Variants in NME2 observed in about 807,000 individuals in gnomAD.
NME2 encodes nucleoside diphosphate kinase B.
A neutral mutation model predicts 17.8 loss-of-function variants in NME2; 18 were observed. The observed-to-expected ratio is 1.01, with a 90% CI of 0.70 to 1.50. The LOEUF is 1.50. NME2 is among the 40% of genes most tolerant of loss of function. The pLI is 0.00. For missense variants in NME2, 161 were observed against 195.6 expected (o/e 0.82, Z 1.05); for synonymous variants, 74 against 71.4 (o/e 1.04, Z -0.19).
intron 2 of NME2, chr17:51,167,234 C>T (rs2049964929): frequency 1.5e-5 from 8 of 541,820 alleles, no homozygotes; most frequent in Non-Finnish European, 1.8e-5. Flanking sequence ...CGCAGGGGGG[C>T]AGCAGGGAGC....
chr17:51,167,251 A>C, intron 2 of NME2: 17 of 424,466 alleles, frequency 4.0e-5, no homozygotes, highest in South Asian at 1.6e-4. Context: ...GAGCGGAAAA[A>C]CCCCGGGCCC....
chr17:51,168,068 G>T, intron 2 of NME2, 174 bp from the exon 3 acceptor site: 1 of 430,170 alleles, frequency 2.3e-6, no homozygotes, highest in Non-Finnish European at 4.1e-6. Flanking sequence ...GGTTTGGATG[G>T]GATTTAAAAA....
Position 51,168,960 on chromosome 17 carries a change from C to CA in NME2, c.228+626dup, listed in dbSNP as rs199574849. ...CCTGGGCGACAGCAAGACTCCATCT[C>CA]AAAAAAAAATAATACTCAATTTCTT... On this transcript the variant is annotated intron_variant, in intron 3 of 4. Coordinates refer to ENST00000512737, the MANE Select transcript of NME2 (RefSeq NM_002512.4). 6.6e-3 allele frequency among the ~76,000 whole-genome samples: 997 copies of CA among 150,806 alleles called. 15 individuals carry two copies. The highest frequency in any genetic ancestry group is 0.023 in the African/African-American group (940 of 41,144).
intron 2 of NME2, 39 bp from the exon 3 acceptor site, chr17:51,168,203 C>T (rs2049987560): frequency 1.9e-6 from 3 of 1,606,842 alleles, no homozygotes; most frequent in Non-Finnish European, 2.6e-6. Context: ...GGAGTCTTTC[C>T]AGCTTAGCTC....
In NME2 at chr17:51,166,820, C is replaced by T. The variant is rs761196928; in HGVS notation, c.-4-7C>T. The T allele has an allele frequency of 1.9e-6, 3 of 1,608,254 alleles. No individual in the cohort carries two copies. The highest frequency in any genetic ancestry group is 2.5e-6 in the Non-Finnish European group (3 of 1,177,556). ...CCCGGGCCCTGACCGCACCTCTCGC[C>T]CCGCAGGACCATGGCCAACCTGGAG... On this transcript the variant is annotated splice_polypyrimidine_tract_variant and splice_region_variant and intron_variant, in intron 1 of 4. Transcript: ENST00000512737.
chr17:51,170,066 G>C lies in NME2; in HGVS notation c.341+17G>C, dbSNP rs1196987922. The C allele has an allele frequency of 6.3e-7, 1 of 1,594,016 alleles. No individual in the cohort carries two copies. The highest frequency in any genetic ancestry group is 1.1e-5 in the South Asian group (1 of 88,472). On this transcript the variant is annotated intron_variant, in intron 4 of 4. Coordinates refer to ENST00000512737, the MANE Select transcript of NME2 (RefSeq NM_002512.4). ...GGTTGGCAGGTAAGTCCGGGGACAG[G>C]AGGGTGGATGACTTTTATGCAACAC... is the stretch of plus-strand genomic sequence containing the variant.
In NME2 at chr17:51,171,481, T is replaced by C. The variant is rs757203376; in HGVS notation, c.342-6T>C. 6.6e-7 allele frequency: 1 copy of C among 1,524,040 alleles called. No homozygotes were observed. The highest frequency in any genetic ancestry group is 9.0e-7 in the Non-Finnish European group (1 of 1,107,430). The allele number at this position is 1,524,040 out of a possible 1,614,324, so 94.4% of individuals were successfully genotyped here. A position where few individuals can be genotyped will look rare whatever the true frequency, so the allele number is the denominator to read the frequency against. On this transcript the variant is annotated splice_polypyrimidine_tract_variant and splice_region_variant and intron_variant, in intron 4 of 4. Transcript: ENST00000512737. ...CATGGCAACTTGTAATTGTTTTCTT[T>C]CTTAGGAACATCATTCATGGCAGTG...
chr17:51,166,457 C>G lies in NME2; in HGVS notation c.-45C>G, dbSNP rs2049938510. The G allele has an allele frequency of 6.3e-6, 1 of 157,732 alleles. No homozygotes were observed. Among genetic ancestry groups the G allele is most frequent in the Non-Finnish European group, 1.4e-5 (1 of 72,166 alleles). The allele number at this position is 157,732 out of a possible 1,614,324, so 9.8% of individuals were successfully genotyped here. Reference sequence around the variant, plus strand: ...GTGGTGGTCGCACCAGCTCTCTGCTCTCCCAGCGCAGCGCCGCCGCCCGGC... The same window carrying G: ...GTGGTGGTCGCACCAGCTCTCTGCTGTCCCAGCGCAGCGCCGCCGCCCGGC... On this transcript the variant is annotated 5_prime_UTR_variant, in exon 1 of 5. Transcript: ENST00000512737.
chr17:51,168,187 T>C (rs2049987166), intron 2 of NME2, 55 bp from the exon 3 acceptor site: 2 of 1,579,768 alleles, frequency 1.3e-6, no homozygotes, highest in Non-Finnish European at 1.7e-6. Flanking sequence ...GTTCAGAGGA[T>C]GGGTTGGAGT....
upstream of NME2, chr17:51,166,353 G>A (rs2049935131): frequency 6.6e-6 from 1 of 152,440 alleles, no homozygotes; most frequent in African/African-American, 2.4e-5. Context: ...CGTTCCTGCG[G>A]GTTGGGCGGC....
At chr17:51,169,823 T>A in intron 3 of NME2, 114 bp from the exon 4 acceptor site, 1 of 913,412 alleles carries the variant, frequency 1.1e-6, no homozygotes, top group Non-Finnish European at 1.7e-6. Flanking sequence ...GGTTAGCTGA[T>A]AATCATGTCA....
chr17:51,170,729 T>C (rs888450829), intron 4 of NME2, among the ~76,000 whole-genome samples: 3 of 149,578 alleles, frequency 2.0e-5, no homozygotes, highest in Non-Finnish European at 4.4e-5. Context: ...GGAGGCTGCA[T>C]TGAGCTAAGA....
At chr17:51,168,644 C>T (rs2049999433) in intron 3 of NME2, among the ~76,000 whole-genome samples, 1 of 151,772 alleles carries the variant, frequency 6.6e-6, no homozygotes, top group African/African-American at 2.4e-5. Context: ...GCACTCCAGC[C>T]TGGGCAACAG....
chr17:51,169,405 A>C (rs977824650), intron 3 of NME2: 7 of 149,258 alleles, frequency 4.7e-5, no homozygotes, highest in Admixed American at 1.4e-4. Flanking sequence ...GAGCCACTGC[A>C]CTCCAGCCTG....
chr17:51,167,287 G>T lies in NME2; in HGVS notation c.126+331G>T, dbSNP rs57513082. On this transcript the variant is annotated intron_variant, in intron 2 of 4. Transcript: ENST00000512737. ...CAGACCCCCTGCGCCTGCCCACTCGGGTCCACCTAGGCACAGAATGGAGGC... is the reference window on the plus strand; with the variant it reads ...CAGACCCCCTGCGCCTGCCCACTCGTGTCCACCTAGGCACAGAATGGAGGC... 4 of 372,298 alleles carry T rather than the reference G, an allele frequency of 1.1e-5. No homozygotes were observed. In the East Asian group the frequency reaches 3.1e-4, roughly 29 times the overall value. 23.1% of individuals were successfully genotyped at this position (372,298 alleles called of 1,614,324 possible).
At chr17:51,168,988 G>A (rs936020992) in intron 3 of NME2, among the ~76,000 whole-genome samples, 3 of 152,052 alleles carry the variant, frequency 2.0e-5, no homozygotes, top group African/African-American at 7.2e-5. Flanking sequence ...AATTTCTTCT[G>A]TTTGACAAGT....
intron 2 of NME2, 71 bp downstream of exon 2, chr17:51,167,027 T>G: frequency 1.2e-6 from 2 of 1,607,434 alleles, no homozygotes; most frequent in Non-Finnish European, 1.7e-6. Flanking sequence ...GGCGGCGGTT[T>G]GTCCGCGTCT....
chr17:51,168,815 C>T (rs1431337635), intron 3 of NME2, among the ~76,000 whole-genome samples: 2 of 150,200 alleles, frequency 1.3e-5, no homozygotes, highest in African/African-American at 2.5e-5. Context: ...AAGGCTGAGG[C>T]GGGTGGATCA....
At position 51,166,821 on chromosome 17, in the gene NME2, C is replaced by A; in HGVS notation, c.-4-6C>A. The A allele has an allele frequency of 3.7e-6, 6 of 1,609,852 alleles. No individual in the cohort carries two copies. The highest frequency in any genetic ancestry group is 5.1e-6 in the Non-Finnish European group (6 of 1,178,288). On this transcript the variant is annotated splice_polypyrimidine_tract_variant and splice_region_variant and intron_variant, in intron 1 of 4. Transcript: ENST00000512737. ...CCGGGCCCTGACCGCACCTCTCGCC[C>A]CGCAGGACCATGGCCAACCTGGAGC...
Sources: allele counts gnomAD v4.1 joint callset (sites outside exome capture counted in the v4.1 genomes callset), GRCh38; gene constraint gnomAD v4.1.1; transcripts MANE v1.5; gene names NCBI Gene and HGNC (gene_info 2026-07-23, HGNC 2026-07-21).